CAST: variants seen among roughly 807,000 people sequenced by gnomAD.
CAST encodes the protein calpastatin, also known as MIR583 host.
Under a neutral mutation model 119.6 loss-of-function variants are expected in CAST, and 76 were observed. The ratio of observed to expected loss-of-function variants is 0.64; its 90% CI spans 0.53 to 0.77. The LOEUF is 0.77. Ranked by LOEUF, CAST falls within the 30% of genes least tolerant of loss-of-function variation. The probability of loss-of-function intolerance (pLI) is 0.00; values close to 1 mark genes in which losing one functional copy is unlikely to be tolerated. For missense variants in CAST, 953 were observed against 946.5 expected, an observed-to-expected ratio of 1.01 and a Z score of -0.09; for synonymous variants, 319 against 331.6, an observed-to-expected ratio of 0.96 and a Z score of 0.41.
intron 1 of CAST, among the ~76,000 whole-genome samples, chr5:96,620,085 C>G (rs1228842574): frequency 6.6e-6 from 1 of 152,174 alleles, no homozygotes; most frequent in Non-Finnish European, 1.5e-5. Context: ...AGGAGAATGG[C>G]AATCTATTAC....
At chr5:96,067,512 T>G in the CAST span, among the ~76,000 whole-genome samples, 1 of 152,200 alleles carries the variant, frequency 6.6e-6, no homozygotes, top group Non-Finnish European at 1.5e-5. Context: ...AAGTGAAGAA[T>G]TCTTTGAAAT....
the CAST span, among the ~76,000 whole-genome samples, chr5:96,064,008 A>G: frequency 7.1e-3 from 1,076 of 152,218 alleles, 46 homozygotes; most frequent in Admixed American, 0.066. Context: ...TCCTCAGTTT[A>G]CCTGTGGGGA....
the CAST span, among the ~76,000 whole-genome samples, chr5:96,389,683 C>G: frequency 6.6e-6 from 1 of 152,162 alleles, no homozygotes; most frequent in Non-Finnish European, 1.5e-5. Context: ...TGCCTGTAAT[C>G]CCAGCACTTT....
the CAST span, among the ~76,000 whole-genome samples, chr5:96,187,286 T>A: frequency 0.013 from 2,014 of 151,396 alleles, 21 homozygotes; most frequent in South Asian, 0.028. Context: ...TTAATTTTTT[T>A]AAAAAAAACA....
chr5:96,666,816 T>C (rs759519004), intron 1 of CAST, among the ~76,000 whole-genome samples: 2 of 152,166 alleles, frequency 1.3e-5, no homozygotes, highest in Non-Finnish European at 1.5e-5. Flanking sequence ...TATAGCCTTC[T>C]GGGGGTGGGA....
At chr5:96,573,961 C>T (rs72772007) in intron 1 of CAST, among the ~76,000 whole-genome samples, 15,201 of 151,332 alleles carry the variant, frequency 0.1, 1,248 homozygotes, top group East Asian at 0.31. Context: ...ATTTTTATTG[C>T]TACGTAGTAT....
the CAST span, among the ~76,000 whole-genome samples, chr5:96,406,064 A>G: frequency 6.6e-6 from 1 of 152,160 alleles, no homozygotes; most frequent in South Asian, 2.1e-4. Context: ...ACCCCTCATC[A>G]CTGACCCCAA....
At chr5:96,100,523 G>A in the CAST span, among the ~76,000 whole-genome samples, 1 of 152,198 alleles carries the variant, frequency 6.6e-6, no homozygotes, top group Non-Finnish European at 1.5e-5. Flanking sequence ...ATGGAGTGGA[G>A]TATACTGTGT....
chr5:96,236,546 C>T, the CAST span, among the ~76,000 whole-genome samples: 4 of 152,094 alleles, frequency 2.6e-5, no homozygotes, highest in African/African-American at 4.8e-5. Context: ...CCGTGAATCC[C>T]GCTGAATTTT....
chr5:96,593,009 C>T (rs893508439), intron 1 of CAST, among the ~76,000 whole-genome samples: 1 of 152,214 alleles, frequency 6.6e-6, no homozygotes, highest in Non-Finnish European at 1.5e-5. Flanking sequence ...TCGTGATCCG[C>T]CCGCCTCGGC....
the CAST span, among the ~76,000 whole-genome samples, chr5:96,201,292 C>T: frequency 1.1e-4 from 17 of 151,900 alleles, no homozygotes; most frequent in South Asian, 2.1e-4. Flanking sequence ...TGCAGGAAAA[C>T]GAAAAAGGAA....
the CAST span, among the ~76,000 whole-genome samples, chr5:96,134,306 T>G: frequency 6.6e-6 from 1 of 152,220 alleles, no homozygotes; most frequent in African/African-American, 2.4e-5. Context: ...CTAACCTCTT[T>G]TTGATTAAAA....
chr5:96,530,950 G>A (rs2150177197), intron 1 of CAST, among the ~76,000 whole-genome samples: 1 of 152,144 alleles, frequency 6.6e-6, no homozygotes, highest in East Asian at 1.9e-4. Flanking sequence ...GCACCACCAT[G>A]CCTAGATAAT....
chr5:96,770,636 T>TG, intron 30 of CAST, 34 bp downstream of exon 30: 1 of 1,380,174 alleles, frequency 7.2e-7, no homozygotes, highest in Non-Finnish European at 1.0e-6. Flanking sequence ...ACAAATTAGT[T>TG]TAGCAGTTAC....
At chr5:96,558,361 A>C (rs944864059) in intron 1 of CAST, among the ~76,000 whole-genome samples, 4 of 148,812 alleles carry the variant, frequency 2.7e-5, no homozygotes, top group African/African-American at 7.3e-5. Context: ...AGATCAGAGC[A>C]GAACTGAAGG....
At position 96,605,399 on chromosome 5, in the gene CAST, A is replaced by G. The variant is rs116904339; in HGVS notation, c.61-70140A>G. The stretch of plus-strand genomic sequence containing the variant: ...CTCAGAGATGTTAAACTTGCACAAG[A>G]TCACACAGCTGATAATGTGCAAAGC... On this transcript the variant is annotated intron_variant, in intron 1 of 11. Coordinates refer to the CAST transcript ENST00000505143. 2.2e-3 allele frequency among the ~76,000 whole-genome samples: 338 copies of G among 152,380 alleles called. 13 individuals carry two copies. In the East Asian group the frequency reaches 0.055, roughly 25 times the overall value.
chr5:96,731,152 T>C (rs765661645), intron 9 of CAST, among the ~76,000 whole-genome samples: 4 of 152,182 alleles, frequency 2.6e-5, no homozygotes, highest in Non-Finnish European at 5.9e-5. Flanking sequence ...TCCAAATGTA[T>C]AGATATGAAA....
At chr5:96,208,125 A>AT in the CAST span, among the ~76,000 whole-genome samples, 3,943 of 132,380 alleles carry the variant, frequency 0.03, 67 homozygotes, top group African/African-American at 0.034. Flanking sequence ...ATAGCCTCTG[A>AT]TTTTTTTTTT....
chr5:96,703,089 A>C (rs1244404125), intron 3 of CAST, among the ~76,000 whole-genome samples: 1 of 151,990 alleles, frequency 6.6e-6, no homozygotes, highest in African/African-American at 2.4e-5. Flanking sequence ...GTGCGTTCTG[A>C]GTTTAACTGT....
Sources: allele counts gnomAD v4.1 joint callset (sites outside exome capture counted in the v4.1 genomes callset), GRCh38; gene constraint gnomAD v4.1.1; transcripts MANE v1.5; gene names NCBI Gene and HGNC (gene_info 2026-07-23, HGNC 2026-07-21).